ITPR2: variants seen among roughly 807,000 people sequenced by gnomAD.
ITPR2 encodes inositol 1,4,5-trisphosphate-gated calcium channel ITPR2.
ITPR2 carries 207 observed loss-of-function variants against 317.1 expected under a neutral mutation model. That is an observed-to-expected ratio of 0.65 (90% CI 0.58 to 0.73). The LOEUF (loss-of-function observed/expected upper bound fraction) is 0.73. ITPR2 is among the 30% of genes least tolerant of loss of function. The pLI, the probability that ITPR2 is intolerant of heterozygous loss-of-function variation, is 0.00. For missense variants in ITPR2, 2,613 were observed against 3,284.0 expected, an observed-to-expected ratio of 0.80 and a Z score of 4.99; for synonymous variants, 1,156 against 1,149.1, an observed-to-expected ratio of 1.01 and a Z score of -0.12.
At position 26,676,102 on chromosome 12, in the gene ITPR2, G is replaced by A. The variant is rs568920610; in HGVS notation, c.1409+5772C>T. Among the ~76,000 whole-genome samples the A allele has an allele frequency of 1.7e-3, 260 of 152,288 alleles. 6 individuals carry two copies. The South Asian group carries it at 0.052, about 31-fold the overall frequency. On this transcript the variant is annotated intron_variant, in intron 13 of 56. Coordinates refer to ENST00000381340, the MANE Select transcript of ITPR2 (RefSeq NM_002223.4). ...GAACCCAGGAGGTGGAGATTGCAGT[G>A]AGCCAAGATCGTGCCACTGCACTCC...
intron 10 of ITPR2, among the ~76,000 whole-genome samples, chr12:26,694,231 C>G (rs1948293419): frequency 6.6e-6 from 1 of 152,132 alleles, no homozygotes; most frequent in East Asian, 1.9e-4. Context: ...CAAGACCATT[C>G]CCTAATCATG....
intron 35 of ITPR2, among the ~76,000 whole-genome samples, chr12:26,560,998 C>T (rs1307784501): frequency 6.6e-6 from 1 of 152,178 alleles, no homozygotes; most frequent in African/African-American, 2.4e-5. Context: ...GAAGGCCTAA[C>T]TCACAGTACC....
chr12:26,481,655 AC>A (rs1480060896), intron 42 of ITPR2, among the ~76,000 whole-genome samples: 1 of 152,222 alleles, frequency 6.6e-6, no homozygotes, highest in East Asian at 1.9e-4. Flanking sequence ...TGTCCCTCAT[AC>A]CTGAGATTTG....
chr12:26,458,522 T>C (rs1941941837), intron 45 of ITPR2, among the ~76,000 whole-genome samples: 1 of 152,208 alleles, frequency 6.6e-6, no homozygotes, highest in East Asian at 1.9e-4. Context: ...TCTTGATATG[T>C]GTGTTTATTA....
intron 26 of ITPR2, among the ~76,000 whole-genome samples, chr12:26,615,345 A>T (rs1217310538): frequency 1.3e-5 from 2 of 152,084 alleles, no homozygotes; most frequent in East Asian, 3.8e-4. Context: ...TTTGAAAAAA[A>T]TGAAATTTCA....
At chr12:26,617,950 T>G (rs1946408461) in intron 26 of ITPR2, among the ~76,000 whole-genome samples, 1 of 152,140 alleles carries the variant, frequency 6.6e-6, no homozygotes, top group African/African-American at 2.4e-5. Flanking sequence ...GTTACTACGG[T>G]AGAAGCTCTA....
At chr12:26,524,902 T>A (rs1591857232) in intron 37 of ITPR2, among the ~76,000 whole-genome samples, 1 of 152,348 alleles carries the variant, frequency 6.6e-6, no homozygotes, top group East Asian at 1.9e-4. Flanking sequence ...TTAGAAAATG[T>A]TTTCTTTGAT....
At chr12:26,539,411 G>T (rs1424171087) in intron 37 of ITPR2, among the ~76,000 whole-genome samples, 1 of 152,042 alleles carries the variant, frequency 6.6e-6, no homozygotes, top group Non-Finnish European at 1.5e-5. Flanking sequence ...TGGTTTTATA[G>T]TAAGTTTTTT....
chr12:26,643,051 T>C (rs1049360710), intron 21 of ITPR2, among the ~76,000 whole-genome samples: 1 of 152,166 alleles, frequency 6.6e-6, no homozygotes, highest in Admixed American at 6.5e-5. Context: ...TCCTCATGAA[T>C]GGGACCAGGG....
At chr12:26,830,110 G>A (rs941307898) in intron 1 of ITPR2, among the ~76,000 whole-genome samples, 2 of 152,154 alleles carry the variant, frequency 1.3e-5, no homozygotes, top group African/African-American at 4.8e-5. Flanking sequence ...CCCCATGTTG[G>A]CCAGGCTGGT....
intron 52 of ITPR2, among the ~76,000 whole-genome samples, chr12:26,404,199 C>G (rs1464951809): frequency 6.6e-6 from 1 of 152,118 alleles, no homozygotes; most frequent in Non-Finnish European, 1.5e-5. Flanking sequence ...GCTGACAGAA[C>G]TGTAGGCAGA....
intron 8 of ITPR2, among the ~76,000 whole-genome samples, chr12:26,714,662 G>A (rs568457184): frequency 2.8e-4 from 43 of 152,218 alleles, no homozygotes; most frequent in African/African-American, 9.6e-4. Context: ...CACCGCTAGT[G>A]GTTTAGATGT....
At chr12:26,685,061 A>G (rs963579126) in intron 11 of ITPR2, among the ~76,000 whole-genome samples, 1 of 152,196 alleles carries the variant, frequency 6.6e-6, no homozygotes, top group African/African-American at 2.4e-5. Context: ...TAGTGTTATT[A>G]TAGTAACTTT....
intron 55 of ITPR2, among the ~76,000 whole-genome samples, chr12:26,345,712 T>G (rs1938287303): frequency 6.6e-6 from 1 of 152,204 alleles, no homozygotes; most frequent in African/African-American, 2.4e-5. Context: ...CTCTCTGCTC[T>G]TATGGCTTCC....
At chr12:26,416,981 A>T (rs1291186126) in intron 50 of ITPR2, among the ~76,000 whole-genome samples, 2 of 152,170 alleles carry the variant, frequency 1.3e-5, no homozygotes, top group African/African-American at 4.8e-5. Flanking sequence ...ATGGAATCAG[A>T]ATCTTACAAA....
intron 55 of ITPR2, among the ~76,000 whole-genome samples, chr12:26,377,472 C>T (rs769377504): frequency 9.9e-5 from 15 of 152,174 alleles, no homozygotes; most frequent in South Asian, 2.1e-4. Context: ...CACACCTCCA[C>T]GAATGCAGCT....
intron 55 of ITPR2, among the ~76,000 whole-genome samples, chr12:26,367,798 C>A (rs975599946): frequency 6.6e-6 from 1 of 152,168 alleles, no homozygotes; most frequent in Non-Finnish European, 1.5e-5. Flanking sequence ...GCCCATGTTT[C>A]TACCACTGTT....
At chr12:26,644,144 G>A (rs2136869493) in intron 21 of ITPR2, among the ~76,000 whole-genome samples, 1 of 152,136 alleles carries the variant, frequency 6.6e-6, no homozygotes, top group African/African-American at 2.4e-5. Flanking sequence ...AGAATATAAG[G>A]AGCTAGCGGC....
chr12:26,730,819 C>T (rs1949014290), intron 2 of ITPR2, among the ~76,000 whole-genome samples: 1 of 152,140 alleles, frequency 6.6e-6, no homozygotes, highest in African/African-American at 2.4e-5. Flanking sequence ...GGAAGAAATA[C>T]GAAAGCCACT....
Sources: gnomAD v4.1 joint callset for allele counts (sites outside exome capture counted in the v4.1 genomes callset) on GRCh38, gnomAD v4.1.1 for gene constraint, MANE v1.5 for transcripts, NCBI Gene and HGNC (gene_info 2026-07-23, HGNC 2026-07-21) for gene names.